The following SUPT3H variants were observed in gnomAD, a reference collection of about 807,000 sequenced individuals.
SUPT3H encodes the protein SPT3 homolog, SAGA and STAGA complex component, also known as transcription initiation protein SPT3 homolog.
Under a neutral mutation model 44.3 loss-of-function variants are expected in SUPT3H, and 44 were observed. The observed-to-expected ratio is 0.99, with a 90% CI of 0.78 to 1.28. The LOEUF (loss-of-function observed/expected upper bound fraction) is 1.28, where lower values mean the gene tolerates loss of function less well. SUPT3H is among the 50% of genes most tolerant of loss of function. The pLI is 0.00. For synonymous variants in SUPT3H, 124 were observed against 125.6 expected, an observed-to-expected ratio of 0.99 and a Z score of 0.09; for missense variants, 380 against 387.1, an observed-to-expected ratio of 0.98 and a Z score of 0.15.
intron 2 of SUPT3H, among the ~76,000 whole-genome samples, chr6:45,158,298 A>ATATATATATATATATATATATATATTT: frequency 3.0e-5 from 3 of 99,694 alleles, no homozygotes; most frequent in African/African-American, 1.5e-4. Context: ...ATATATATAT[A>ATATATATATATATATATATATATATTT]TTTTTTTTTT....
chr6:45,207,574 T>C (rs998907922), intron 2 of SUPT3H, among the ~76,000 whole-genome samples: 4 of 152,184 alleles, frequency 2.6e-5, no homozygotes, highest in Admixed American at 6.5e-5. Context: ...TTGTGGCAAG[T>C]CTACTTGGTG....
At chr6:45,028,694 A>G (rs558445843) in intron 3 of SUPT3H, among the ~76,000 whole-genome samples, 3 of 152,036 alleles carry the variant, frequency 2.0e-5, no homozygotes, top group Non-Finnish European at 4.4e-5. Context: ...CAAACTTATG[A>G]GAGATGTCCA....
chr6:45,113,902 C>T (rs1800456214), intron 2 of SUPT3H, among the ~76,000 whole-genome samples: 1 of 151,292 alleles, frequency 6.6e-6, no homozygotes, highest in Non-Finnish European at 1.5e-5. Context: ...TTTCTCATTG[C>T]TTGCTTGATT....
chr6:45,158,299 T>TATATATATATATATATATATA (rs1491302388), intron 2 of SUPT3H, among the ~76,000 whole-genome samples: 12 of 13,396 alleles, frequency 9.0e-4, no homozygotes, highest in African/African-American at 2.4e-3. Flanking sequence ...TATATATATA[T>TATATATATATATATATATATA]TTTTTTTTTT....
chr6:44,847,442 T>C (rs1772064315), intron 10 of SUPT3H, among the ~76,000 whole-genome samples: 1 of 152,188 alleles, frequency 6.6e-6, no homozygotes, highest in African/African-American at 2.4e-5. Flanking sequence ...ATCATATTAC[T>C]GGTTGAATAC....
At chr6:45,001,251 A>G (rs1781965650) in intron 6 of SUPT3H, among the ~76,000 whole-genome samples, 1 of 152,026 alleles carries the variant, frequency 6.6e-6, no homozygotes, top group African/African-American at 2.4e-5. Context: ...CTTCTTTCTC[A>G]GTCCCTCAAA....
At chr6:45,177,724 G>C (rs183609169) in intron 2 of SUPT3H, among the ~76,000 whole-genome samples, 2 of 151,932 alleles carry the variant, frequency 1.3e-5, no homozygotes, top group Non-Finnish European at 2.9e-5. Flanking sequence ...TGATCTCTCA[G>C]CAGAAACTCT....
At chr6:45,344,436 G>GC (rs1562989700) in intron 2 of SUPT3H, among the ~76,000 whole-genome samples, 1 of 147,542 alleles carries the variant, frequency 6.8e-6, no homozygotes, top group Non-Finnish European at 1.5e-5. Context: ...TTCTCTGATG[G>GC]TTTTTTTTTT....
intron 10 of SUPT3H, among the ~76,000 whole-genome samples, chr6:44,862,483 C>G (rs1335842945): frequency 6.6e-6 from 1 of 151,786 alleles, no homozygotes; most frequent in African/African-American, 2.4e-5. Flanking sequence ...TTGAGACCAG[C>G]CTGGCCAACA....
intron 10 of SUPT3H, among the ~76,000 whole-genome samples, chr6:44,848,268 CCTGTGT>C (rs1772254994): frequency 6.6e-6 from 1 of 152,148 alleles, no homozygotes; most frequent in African/African-American, 2.4e-5. Flanking sequence ...CTGTACCCAG[CCTGTGT>C]CTTCATAACT....
intron 2 of SUPT3H, among the ~76,000 whole-genome samples, chr6:45,117,336 C>A (rs1800995372): frequency 6.6e-6 from 1 of 152,084 alleles, no homozygotes; most frequent in Non-Finnish European, 1.5e-5. Context: ...AACATCAGCA[C>A]AGATGACATC....
intron 2 of SUPT3H, among the ~76,000 whole-genome samples, chr6:45,309,742 C>G (rs1783661878): frequency 6.6e-6 from 1 of 151,358 alleles, no homozygotes; most frequent in Admixed American, 6.6e-5. Context: ...ATCCTGAAAC[C>G]AACAAGAGAA....
At chr6:45,068,228 CG>C (rs1391288618) in intron 3 of SUPT3H, among the ~76,000 whole-genome samples, 3 of 147,632 alleles carry the variant, frequency 2.0e-5, no homozygotes, top group Non-Finnish European at 3.0e-5. Context: ...AAACCAAACA[CG>C]GCATATTCTC....
At chr6:44,934,217 C>G (rs539577186) in intron 9 of SUPT3H, among the ~76,000 whole-genome samples, 1 of 152,110 alleles carries the variant, frequency 6.6e-6, no homozygotes, top group East Asian at 1.9e-4. Flanking sequence ...AGCAATTTGG[C>G]AAAATCTTAT....
chr6:45,038,645 TG>T (rs1311443591), intron 3 of SUPT3H, among the ~76,000 whole-genome samples: 1 of 152,196 alleles, frequency 6.6e-6, no homozygotes, highest in African/African-American at 2.4e-5. Context: ...TTATACTGTT[TG>T]AAGTATTAGG....
intron 2 of SUPT3H, among the ~76,000 whole-genome samples, chr6:45,296,689 A>G (rs1433850083): frequency 7.3e-6 from 1 of 136,508 alleles, no homozygotes; most frequent in Non-Finnish European, 1.5e-5. Flanking sequence ...CAGTGAGCTG[A>G]GATCGTGCCA....
chr6:45,332,892 G>T (rs1031475296), intron 2 of SUPT3H, among the ~76,000 whole-genome samples: 6 of 151,564 alleles, frequency 4.0e-5, no homozygotes, highest in Non-Finnish European at 8.9e-5. Flanking sequence ...TTCTCAATAC[G>T]TTACCTTAAT....
At chr6:45,169,004 ATGAC>A (rs539197462) in intron 2 of SUPT3H, among the ~76,000 whole-genome samples, 36 of 152,326 alleles carry the variant, frequency 2.4e-4, no homozygotes, top group African/African-American at 8.7e-4. Flanking sequence ...CTTTGAATGA[ATGAC>A]TGATTTTAAT....
intron 2 of SUPT3H, among the ~76,000 whole-genome samples, chr6:45,142,171 T>TA (rs936270741): frequency 2.6e-5 from 4 of 152,060 alleles, no homozygotes; most frequent in Non-Finnish European, 5.9e-5. Flanking sequence ...GAGAGAAAGA[T>TA]AAAGTCTTTT....
Sources: allele counts gnomAD v4.1 joint callset (sites outside exome capture counted in the v4.1 genomes callset), GRCh38; gene constraint gnomAD v4.1.1; transcripts MANE v1.5; gene names NCBI Gene and HGNC (gene_info 2026-07-23, HGNC 2026-07-21).